The following PHACTR1 variants were observed in gnomAD, a reference collection of about 807,000 sequenced individuals.
PHACTR1 encodes phosphatase and actin regulator 1.
A neutral mutation model predicts 69.2 loss-of-function variants in PHACTR1; 16 were observed. The ratio of observed to expected loss-of-function variants is 0.23; its 90% CI spans 0.16 to 0.35. The LOEUF is 0.35. Ranked by LOEUF, PHACTR1 falls within the 10% of genes least tolerant of loss-of-function variation. The pLI is 1.00. For missense variants in PHACTR1, 510 were observed against 734.7 expected (o/e 0.69, Z 3.54); for synonymous variants, 312 against 284.5 (o/e 1.10, Z -0.97).
At chr6:12,902,259 T>G (rs1336160706) in intron 4 of PHACTR1, among the ~76,000 whole-genome samples, 23 of 152,054 alleles carry the variant, frequency 1.5e-4, no homozygotes, top group Admixed American at 1.5e-3. Flanking sequence ...GCTGTCTCTA[T>G]TAAAAATACA....
intron 11 of PHACTR1, chr6:13,274,729 T>C (rs1317517760): frequency 1.3e-5 from 2 of 152,162 alleles, no homozygotes; most frequent in African/African-American, 4.8e-5. Context: ...TACAGGTCCT[T>C]TGAGCTTGGG....
intron 4 of PHACTR1, among the ~76,000 whole-genome samples, chr6:12,923,852 G>A (rs1383947568): frequency 6.6e-6 from 1 of 152,214 alleles, no homozygotes; most frequent in Non-Finnish European, 1.5e-5. Flanking sequence ...AAGGAAGTGA[G>A]AGAGATGATG....
At chr6:12,907,803 G>T (rs946696700) in intron 4 of PHACTR1, among the ~76,000 whole-genome samples, 3 of 152,162 alleles carry the variant, frequency 2.0e-5, no homozygotes, top group African/African-American at 7.2e-5. Context: ...GGGATGGCTT[G>T]GTCACTATTA....
At chr6:12,818,094 A>G (rs928450610) in intron 4 of PHACTR1, among the ~76,000 whole-genome samples, 5 of 152,180 alleles carry the variant, frequency 3.3e-5, no homozygotes, top group African/African-American at 1.2e-4. Context: ...AAGTGCTGGG[A>G]TTACAGGTGT....
intron 4 of PHACTR1, among the ~76,000 whole-genome samples, chr6:12,908,216 C>CAAGGA (rs1225512211): frequency 2.6e-5 from 4 of 152,180 alleles, no homozygotes; most frequent in Admixed American, 1.3e-4. Context: ...ATAGGACAAC[C>CAAGGA]CTTCAAATTC....
chr6:13,082,855 G>C (rs1811633591), intron 5 of PHACTR1, among the ~76,000 whole-genome samples: 1 of 152,170 alleles, frequency 6.6e-6, no homozygotes, highest in Non-Finnish European at 1.5e-5. Context: ...CCCTTTGTCA[G>C]ATGAGTAGGT....
intron 5 of PHACTR1, among the ~76,000 whole-genome samples, chr6:13,055,770 A>G (rs938477121): frequency 6.6e-6 from 1 of 152,256 alleles, no homozygotes; most frequent in Non-Finnish European, 1.5e-5. Context: ...TGGAAAACAT[A>G]TCACCTGATA....
At chr6:12,944,777 A>ATTTATTTTTTTTTTTTTT (rs1554172498) in intron 4 of PHACTR1, among the ~76,000 whole-genome samples, 1 of 135,764 alleles carries the variant, frequency 7.4e-6, no homozygotes, top group African/African-American at 2.9e-5. Context: ...TTATTTATTT[A>ATTTATTTTTTTTTTTTTT]TTTTTATTTA....
chr6:13,118,011 T>C (rs7769033), intron 5 of PHACTR1, among the ~76,000 whole-genome samples: 42,296 of 152,172 alleles, frequency 0.28, 6,165 homozygotes, highest in South Asian at 0.46. Flanking sequence ...CCTCCTTAAA[T>C]CAATATTTAG....
At chr6:13,002,997 G>A (rs919403541) in intron 4 of PHACTR1, among the ~76,000 whole-genome samples, 1 of 152,124 alleles carries the variant, frequency 6.6e-6, no homozygotes, top group African/African-American at 2.4e-5. Context: ...TTAGTTAAGT[G>A]GAAATGATAG....
intron 10 of PHACTR1, among the ~76,000 whole-genome samples, chr6:13,239,378 A>G (rs12527422): frequency 0.13 from 19,137 of 152,206 alleles, 1,660 homozygotes; most frequent in Admixed American, 0.24. Flanking sequence ...TTATGAACTC[A>G]CTGCACGCAA....
intron 11 of PHACTR1, chr6:13,278,017 A>G: frequency 3.6e-6 from 1 of 279,346 alleles, no homozygotes; most frequent in South Asian, 6.6e-5. Context: ...CTGCCTGGAG[A>G]CCTGAAACCC....
chr6:13,081,667 AAATT>A (rs902405523), intron 5 of PHACTR1, among the ~76,000 whole-genome samples: 10 of 152,098 alleles, frequency 6.6e-5, no homozygotes, highest in Non-Finnish European at 1.2e-4. Flanking sequence ...TAACAAAAAA[AAATT>A]AATTAATTAG....
intron 5 of PHACTR1, among the ~76,000 whole-genome samples, chr6:13,135,188 C>T (rs1821361391): frequency 6.6e-6 from 1 of 152,190 alleles, no homozygotes; most frequent in African/African-American, 2.4e-5. Context: ...AGCTGTGAAT[C>T]AGGATTTGCC....
chr6:13,154,283 C>T (rs1277567498), intron 5 of PHACTR1, among the ~76,000 whole-genome samples: 7 of 152,012 alleles, frequency 4.6e-5, no homozygotes, highest in Non-Finnish European at 1.5e-5. Flanking sequence ...TCCTGCCTCA[C>T]CCTCCTGAGT....
chr6:13,261,966 A>C (rs1417338145), intron 10 of PHACTR1, among the ~76,000 whole-genome samples: 1 of 152,246 alleles, frequency 6.6e-6, no homozygotes, highest in Non-Finnish European at 1.5e-5. Flanking sequence ...CCAGATCATG[A>C]AGAATCTTTC....
At chr6:13,046,680 T>TCA (rs1805111269) in intron 4 of PHACTR1, among the ~76,000 whole-genome samples, 2 of 152,174 alleles carry the variant, frequency 1.3e-5, no homozygotes, top group African/African-American at 4.8e-5. Context: ...GAGTCTCTGT[T>TCA]GTCCCCATCA....
At chr6:12,753,294 A>G (rs1581595614) in intron 4 of PHACTR1, among the ~76,000 whole-genome samples, 1 of 152,226 alleles carries the variant, frequency 6.6e-6, no homozygotes, top group Non-Finnish European at 1.5e-5. Context: ...CTCATCTGGC[A>G]GGTACATTCC....
chr6:13,089,484 C>G (rs1388079997), intron 5 of PHACTR1, among the ~76,000 whole-genome samples: 1 of 152,096 alleles, frequency 6.6e-6, no homozygotes, highest in African/African-American at 2.4e-5. Flanking sequence ...CAGCTTGTTT[C>G]CTGAAGGATT....
Sources: gnomAD v4.1 joint callset for allele counts (sites outside exome capture counted in the v4.1 genomes callset) on GRCh38, gnomAD v4.1.1 for gene constraint, MANE v1.5 for transcripts, NCBI Gene and HGNC (gene_info 2026-07-23, HGNC 2026-07-21) for gene names.